Variants in CSMD1 observed in about 807,000 individuals in gnomAD.
The protein encoded by CSMD1 is CUB and Sushi multiple domains 1.
Under a neutral mutation model 417.5 loss-of-function variants are expected in CSMD1, and 213 were observed. The ratio of observed to expected loss-of-function variants is 0.51; its 90% CI spans 0.46 to 0.57. CSMD1 has a LOEUF of 0.57. Ranked by LOEUF, CSMD1 falls within the 20% of genes least tolerant of loss-of-function variation. The pLI, the probability that CSMD1 is intolerant of heterozygous loss-of-function variation, is 0.00. For missense variants in CSMD1, 6,923 were observed against 4,529.7 expected, an observed-to-expected ratio of 1.53 and a Z score of -15.17; for synonymous variants, 2,862 against 1,736.8, an observed-to-expected ratio of 1.65 and a Z score of -16.11.
intron 2 of CSMD1, among the ~76,000 whole-genome samples, chr8:4,594,691 C>A (rs1800164148): frequency 6.6e-6 from 1 of 152,150 alleles, no homozygotes; most frequent in Admixed American, 6.5e-5. Flanking sequence ...CCTTTGTAAT[C>A]AAAACTAAAA....
intron 7 of CSMD1, among the ~76,000 whole-genome samples, chr8:3,653,429 C>G (rs1797957501): frequency 6.6e-6 from 1 of 152,134 alleles, no homozygotes; most frequent in Non-Finnish European, 1.5e-5. Context: ...CTGCCTCAGC[C>G]TCCCCAGTAG....
intron 26 of CSMD1, among the ~76,000 whole-genome samples, chr8:3,243,101 G>A (rs1397566973): frequency 1.3e-5 from 2 of 152,128 alleles, no homozygotes; most frequent in East Asian, 1.9e-4. Context: ...GAAGGGTGGC[G>A]ACAAGATTGA....
intron 40 of CSMD1, among the ~76,000 whole-genome samples, chr8:3,147,927 T>C (rs1008985524): frequency 6.6e-6 from 1 of 152,178 alleles, no homozygotes; most frequent in Admixed American, 6.5e-5. Flanking sequence ...TTTCTCAGCA[T>C]TAAGGAAGAC....
At chr8:3,816,942 C>T (rs754119893) in intron 5 of CSMD1, among the ~76,000 whole-genome samples, 8 of 151,812 alleles carry the variant, frequency 5.3e-5, no homozygotes, top group Non-Finnish European at 1.2e-4. Context: ...TTCTAGGCAG[C>T]GAATCAAGAG....
chr8:3,782,495 T>C (rs1383456194), intron 5 of CSMD1, among the ~76,000 whole-genome samples: 1 of 152,134 alleles, frequency 6.6e-6, no homozygotes, highest in African/African-American at 2.4e-5. Flanking sequence ...TCAAGTGCTT[T>C]TTAAAAAGGA....
At chr8:3,244,266 C>G (rs530617137) in intron 26 of CSMD1, among the ~76,000 whole-genome samples, 9 of 152,088 alleles carry the variant, frequency 5.9e-5, no homozygotes, top group African/African-American at 2.2e-4. Context: ...TTTGGAGGGT[C>G]AGTAGCCTGC....
chr8:3,038,784 C>G (rs1158057063), intron 50 of CSMD1, among the ~76,000 whole-genome samples: 1 of 152,036 alleles, frequency 6.6e-6, no homozygotes. Context: ...TCCACATACT[C>G]AAGCGTAATT....
At position 4,162,316 on chromosome 8, in the gene CSMD1, G is replaced by C. The variant is rs146017140; in HGVS notation, c.416-130217C>G. ...AAAGAAAACTCAGCAAAGTTTAATG[G>C]ATTTATGTTACTACAAAAGAAAAGT... On this transcript the variant is annotated intron_variant, in intron 3 of 69. Coordinates refer to ENST00000635120, the MANE Select transcript of CSMD1 (RefSeq NM_033225.6). 5.0e-3 allele frequency among the ~76,000 whole-genome samples: 766 copies of C among 152,178 alleles called. 9 individuals carry two copies. Among genetic ancestry groups the C allele is most frequent in the African/African-American group, 0.018 (731 of 41,532 alleles).
At chr8:3,168,058 A>G (rs937738823) in intron 37 of CSMD1, among the ~76,000 whole-genome samples, 1 of 152,106 alleles carries the variant, frequency 6.6e-6, no homozygotes, top group Non-Finnish European at 1.5e-5. Context: ...CAATTAGAAA[A>G]AAAAAAAAAA....
At chr8:4,161,076 A>G (rs1431384707) in intron 3 of CSMD1, among the ~76,000 whole-genome samples, 1 of 152,024 alleles carries the variant, frequency 6.6e-6, no homozygotes, top group African/African-American at 2.4e-5. Flanking sequence ...CAGGAAATGT[A>G]AATAATGTAA....
At chr8:4,167,865 G>A (rs1170557337) in intron 3 of CSMD1, among the ~76,000 whole-genome samples, 1 of 152,000 alleles carries the variant, frequency 6.6e-6, no homozygotes, top group South Asian at 2.1e-4. Flanking sequence ...TGATGGCTTA[G>A]GCCTGTAATC....
At chr8:3,009,774 G>T (rs146656943) in intron 52 of CSMD1, among the ~76,000 whole-genome samples, 2 of 152,148 alleles carry the variant, frequency 1.3e-5, no homozygotes, top group Non-Finnish European at 2.9e-5. Flanking sequence ...TGGGCTTGCA[G>T]AGCATACAAC....
In CSMD1 at chr8:4,746,107, C is replaced by T. The variant is rs1346860088; in HGVS notation, c.86-108549G>A. ...CAGAAACCCCGTGACTTCACTTGTG[C>T]TCCTCCTGCTGTTAAATTAAGCCCT... On this transcript the variant is annotated intron_variant, in intron 1 of 69. Coordinates refer to ENST00000635120, the MANE Select transcript of CSMD1 (RefSeq NM_033225.6). 2.6e-5 allele frequency among the ~76,000 whole-genome samples: 4 copies of T among 152,184 alleles called. No homozygotes were observed. In the East Asian group the frequency reaches 7.7e-4, roughly 29 times the overall value.
At chr8:3,633,473 G>C (rs966351864) in intron 7 of CSMD1, among the ~76,000 whole-genome samples, 3 of 152,174 alleles carry the variant, frequency 2.0e-5, no homozygotes, top group South Asian at 4.1e-4. Flanking sequence ...TATAATACAA[G>C]TCTGTTCCCA....
chr8:3,093,974 G>C (rs1052809480), intron 47 of CSMD1, among the ~76,000 whole-genome samples: 4 of 151,956 alleles, frequency 2.6e-5, no homozygotes, highest in African/African-American at 4.8e-5. Context: ...GCGTTTAAAA[G>C]GATAATGTAT....
intron 5 of CSMD1, among the ~76,000 whole-genome samples, chr8:3,818,247 G>T (rs535673078): frequency 1.3e-5 from 2 of 152,052 alleles, no homozygotes; most frequent in African/African-American, 2.4e-5. Context: ...CCCTGGGTCC[G>T]TGCAGCACAG....
At chr8:4,909,319 AC>A (rs1805506673) in intron 1 of CSMD1, among the ~76,000 whole-genome samples, 1 of 151,828 alleles carries the variant, frequency 6.6e-6, no homozygotes, top group Admixed American at 6.6e-5. Context: ...CCAGCAAAAT[AC>A]CTCCTTTTAC....
intron 10 of CSMD1, among the ~76,000 whole-genome samples, chr8:3,538,564 C>T (rs1359412422): frequency 6.6e-6 from 1 of 152,264 alleles, no homozygotes; most frequent in Non-Finnish European, 1.5e-5. Context: ...GCTGGCTAAC[C>T]TGAGTTGCCT....
At chr8:3,478,927 G>C (rs572755472) in intron 11 of CSMD1, among the ~76,000 whole-genome samples, 19 of 152,086 alleles carry the variant, frequency 1.2e-4, no homozygotes, top group African/African-American at 4.3e-4. Flanking sequence ...CAGACACAGC[G>C]GTAGAGTGGG....
Sources: gnomAD v4.1 joint callset for allele counts (sites outside exome capture counted in the v4.1 genomes callset) on GRCh38, gnomAD v4.1.1 for gene constraint, MANE v1.5 for transcripts, NCBI Gene and HGNC (gene_info 2026-07-23, HGNC 2026-07-21) for gene names.